Variants in FLNC observed in about 807,000 individuals in gnomAD.
FLNC encodes the protein filamin-C.
Under a neutral mutation model 254.3 loss-of-function variants are expected in FLNC, and 91 were observed. The observed-to-expected ratio is 0.36, with a 90% CI of 0.30 to 0.43. The LOEUF (loss-of-function observed/expected upper bound fraction) is 0.43. Ranked by LOEUF, FLNC falls within the 20% of genes least tolerant of loss-of-function variation. FLNC has a pLI of 1.00. For synonymous variants in FLNC, 1,430 were observed against 1,577.2 expected, an observed-to-expected ratio of 0.91 and a Z score of 2.21; for missense variants, 2,853 against 3,802.6, an observed-to-expected ratio of 0.75 and a Z score of 6.57.
In FLNC at chr7:128,837,121, G is replaced by T. The variant is rs530359417; in HGVS notation, c.602-39G>T. The T allele has an allele frequency of 5.0e-5, 70 of 1,406,960 alleles. 1 individual carries two copies. In the East Asian group the frequency reaches 1.4e-3, roughly 27 times the overall value. 87.2% of individuals were successfully genotyped at this position (1,406,960 alleles called of 1,614,324 possible). A position where few individuals can be genotyped will look rare whatever the true frequency, so the allele number is the denominator to read the frequency against. ...AAATGCCCTGCATCCTGGCCGGCTG[G>T]CTGCCCCTCACCATCGTCTCCCTCC... On this transcript the variant is annotated intron_variant, in intron 2 of 47. Coordinates refer to ENST00000325888, the MANE Select transcript of FLNC (RefSeq NM_001458.5).
At chr7:128,850,984 G>T in intron 33 of FLNC, 41 bp downstream of exon 33, 2 of 1,608,252 alleles carry the variant, frequency 1.2e-6, no homozygotes, top group Non-Finnish European at 1.7e-6. Flanking sequence ...TGGGTGAGAG[G>T]AGCAGGCCGT....
chr7:128,852,961 C>T lies in FLNC; in HGVS notation c.6138C>T (p.Val2046=). The change falls in exon 37 of 48, where the codon GTC becomes GTT. Residue 2046 remains valine, a synonymous_variant. Coordinates refer to ENST00000325888, the MANE Select transcript of FLNC (RefSeq NM_001458.5). ...TCGGGGACGCCAGCAAGGTGCGGGTCTGGGGCAAGGGGCTTTCCGAGGGAC... is the reference window on the plus strand; with the variant it reads ...TCGGGGACGCCAGCAAGGTGCGGGTTTGGGGCAAGGGGCTTTCCGAGGGAC... ...SEIGDASKVR[V]WGKGLSEGHT... 6.2e-7 allele frequency: 1 copy of T among 1,613,568 alleles called. No individual in the cohort carries two copies. The highest frequency in any genetic ancestry group is 8.5e-7 in the Non-Finnish European group (1 of 1,180,018).
chr7:128,856,368 C>A lies in FLNC; in HGVS notation c.7252-150C>A. The A allele has an allele frequency of 1.0e-6, 1 of 961,602 alleles. No homozygotes were observed. The highest frequency in any genetic ancestry group is 1.6e-6 in the Non-Finnish European group (1 of 618,296). 59.6% of individuals were successfully genotyped at this position (961,602 alleles called of 1,614,324 possible). On this transcript the variant is annotated intron_variant, in intron 43 of 47. Coordinates refer to ENST00000325888, the MANE Select transcript of FLNC (RefSeq NM_001458.5). This position sits in a 1 kb window ranked among gnomAD's most constrained non-coding sequence, Gnocchi z 5.9. ...ACCGGACCCTGGCTCCTCCTGCTCC[C>A]AGGCTGGGCTGGCAGGCAGGGGCCA... is the stretch of plus-strand genomic sequence containing the variant.
Position 128,846,900 on chromosome 7 carries a change from T to A in FLNC, c.4283T>A (p.Ile1428Asn). Residue 1428 changes from isoleucine (I) to asparagine (N), a missense_variant, in exon 24 of 48, where the codon ATC (isoleucine) becomes AAC (asparagine). Physicochemically the swap from Ile to Asn is moderately radical, Grantham distance 149. Coordinates refer to ENST00000325888, the MANE Select transcript of FLNC (RefSeq NM_001458.5). ...DVNITFGGRP[I>N]PGSPFRVPVK... ...AACATCACCTTCGGGGGGCGGCCCATCCCAGGTGTGCAGAGAGAGTGGTCG... is the reference window on the plus strand; with the variant it reads ...AACATCACCTTCGGGGGGCGGCCCAACCCAGGTGTGCAGAGAGAGTGGTCG... 1 of 1,614,158 alleles carries A rather than the reference T, an allele frequency of 6.2e-7. No individual in the cohort carries two copies. The highest frequency in any genetic ancestry group is 8.5e-7 in the Non-Finnish European group (1 of 1,180,026).
rs1808067854 is a variant in FLNC, at chr7:128,835,628, G to A, written c.601+54G>A. The A allele has an allele frequency of 2.5e-6, 4 of 1,590,404 alleles. No individual in the cohort carries two copies. The South Asian group carries it at 3.3e-5, about 13-fold the overall frequency. ...GCCCTTAGCTCCCAAAGACAGAGGG[G>A]ACAAGCTGGGGCTGCCAAGGCGTGT... On this transcript the variant is annotated intron_variant, in intron 2 of 47. Coordinates refer to ENST00000325888, the MANE Select transcript of FLNC (RefSeq NM_001458.5). The surrounding 1 kb of genome is among the most constrained non-coding windows in gnomAD (Gnocchi z 5.3).
chr7:128,834,311 G>GCCC (rs34045649), intron 1 of FLNC, among the ~76,000 whole-genome samples: 20 of 125,524 alleles, frequency 1.6e-4, no homozygotes, highest in African/African-American at 4.5e-4. Context: ...GGATCTAGGC[G>GCCC]CCCCCCCCCC....
chr7:128,855,398 G>A (rs549099340), intron 43 of FLNC, 84 bp downstream of exon 43: 43 of 900,284 alleles, frequency 4.8e-5, no homozygotes, highest in South Asian at 4.7e-4. Context: ...TGGGGCCAGG[G>A]ATTTAGCAGT....
Position 128,853,285 on chromosome 7 carries a change from C to T in FLNC, c.6209-184C>T. ...GCTCACTGGAATCCAAGAGGCTTACCTTAGGGAATTTTCCAGACCGCCTGT... is the reference window on the plus strand; with the variant it reads ...GCTCACTGGAATCCAAGAGGCTTACTTTAGGGAATTTTCCAGACCGCCTGT... On this transcript the variant is annotated intron_variant, in intron 37 of 47. Transcript: ENST00000325888. 5 of 769,900 alleles carry T rather than the reference C, an allele frequency of 6.5e-6. No individual in the cohort carries two copies. The South Asian group carries it at 6.7e-5, about 10-fold the overall frequency. 47.7% of individuals were successfully genotyped at this position (769,900 alleles called of 1,614,324 possible). A position where few individuals can be genotyped will look rare whatever the true frequency, so the allele number is the denominator to read the frequency against.
intron 20 of FLNC, 152 bp downstream of exon 20, chr7:128,844,418 C>A: frequency 9.5e-7 from 1 of 1,048,624 alleles, no homozygotes; most frequent in Non-Finnish European, 1.4e-6. Flanking sequence ...CACCACCTGC[C>A]TTGGAGACAA....
intron 37 of FLNC, 98 bp downstream of exon 37, chr7:128,853,129 C>A: frequency 8.4e-7 from 1 of 1,196,226 alleles, no homozygotes; most frequent in Non-Finnish European, 1.2e-6. Context: ...CTCTCTCCTC[C>A]CTGAAACTTC....
chr7:128,838,835 C>G (rs1363820775), intron 8 of FLNC, 32 bp downstream of exon 8: 1 of 1,597,028 alleles, frequency 6.3e-7, no homozygotes, highest in Non-Finnish European at 8.6e-7. Flanking sequence ...CCACGGTAGC[C>G]CTTACCAAAG....
Position 128,856,091 on chromosome 7 carries a change from T to G in FLNC, c.7252-427T>G, listed in dbSNP as rs1405550332. 1.3e-5 allele frequency among the ~76,000 whole-genome samples: 2 copies of G among 152,186 alleles called. No homozygotes were observed. The highest frequency in any genetic ancestry group is 2.9e-5 in the Non-Finnish European group (2 of 68,020). Reference sequence around the variant, plus strand: ...CCCTCCCCCAGAGCCCTTCTGTGCTTCTTCTGGTCCTCCCTGTTGGTCCAC... The same window carrying G: ...CCCTCCCCCAGAGCCCTTCTGTGCTGCTTCTGGTCCTCCCTGTTGGTCCAC... On this transcript the variant is annotated intron_variant, in intron 43 of 47. Coordinates refer to ENST00000325888, the MANE Select transcript of FLNC (RefSeq NM_001458.5). The surrounding 1 kb of genome is among the most constrained non-coding windows in gnomAD (Gnocchi z 5.9).
rs1189802657 is a variant in FLNC at position 128,845,942 on chromosome 7, G to A, written c.3791-48G>A. 3 of 1,579,538 alleles carry A rather than the reference G, an allele frequency of 1.9e-6. No homozygotes were observed. The South Asian group carries it at 3.3e-5, about 17-fold the overall frequency. The stretch of plus-strand genomic sequence containing the variant: ...GGGGGAGAGGAGAGGGAGCATCTGT[G>A]TGAAGGCTGCCCCCACCCCTGCTGA... On this transcript the variant is annotated intron_variant, in intron 21 of 47. Transcript: ENST00000325888.
At position 128,858,590 on chromosome 7, in the gene FLNC, C is replaced by G; in HGVS notation, c.*67C>G. 9.2e-7 allele frequency: 1 copy of G among 1,091,740 alleles called. No homozygotes were observed. Among genetic ancestry groups the G allele is most frequent in the Non-Finnish European group, 1.4e-6 (1 of 713,668 alleles). 67.6% of individuals were successfully genotyped at this position (1,091,740 alleles called of 1,614,324 possible). A position where few individuals can be genotyped will look rare whatever the true frequency, so the allele number is the denominator to read the frequency against. ...CACACACACATTACACACACACACA[C>G]ACACACACAAATGTGCCACACCCAG... On this transcript the variant is annotated 3_prime_UTR_variant, in exon 48 of 48. Transcript: ENST00000325888. The surrounding 1 kb of genome is among the most constrained non-coding windows in gnomAD (Gnocchi z 6.7).
chr7:128,840,085 A>G lies in FLNC; in HGVS notation c.1474A>G (p.Lys492Glu), dbSNP rs118056738. ...RGLQPKGVRV[K>E]EVADFKVFTK... Reference sequence around the variant, plus strand: ...CCTGCAGCCCAAGGGTGTTCGCGTGAAAGAGGTGGCTGACTTCAAGGTGTT... The same window carrying G: ...CCTGCAGCCCAAGGGTGTTCGCGTGGAAGAGGTGGCTGACTTCAAGGTGTT... Residue 492 changes from lysine (K) to glutamate (E), a missense_variant, in exon 9 of 48, where the codon AAA (lysine) becomes GAA (glutamate). By Grantham distance (56) the Lys-to-Glu change is moderately conservative. Coordinates refer to ENST00000325888, the MANE Select transcript of FLNC (RefSeq NM_001458.5). 4.2e-4 allele frequency: 673 copies of G among 1,614,154 alleles called. 1 individual carries two copies. The highest frequency in any genetic ancestry group is 5.2e-4 in the Non-Finnish European group (619 of 1,180,030).
rs751019991 is a variant in FLNC at position 128,854,464 on chromosome 7, A to G, written c.6779A>G (p.Lys2260Arg). Residue 2260 changes from lysine (K) to arginine (R), a missense_variant, in exon 41 of 48, where the codon AAG (lysine) becomes AGG (arginine). Around this residue, in one of 10 missense-constraint regions of FLNC, gnomAD observed 551 missense variants for 835.0 expected, o/e 0.66. Coordinates refer to ENST00000325888, the MANE Select transcript of FLNC (RefSeq NM_001458.5). Reference protein sequence around the residue: ...MTAQVTSPSGKVEAAEIVEGE... With the variant: ...MTAQVTSPSGRVEAAEIVEGE... ...GCACAGGTGACCAGCCCATCGGGCA[A>G]GGTGGAAGCCGCAGAGATCGTCGAG... 238 of 1,609,130 alleles carry G rather than the reference A, an allele frequency of 1.5e-4. No homozygotes were observed. Among genetic ancestry groups the G allele is most frequent in the Non-Finnish European group, 1.9e-4 (228 of 1,178,406 alleles).
At position 128,852,872 on chromosome 7, in the gene FLNC, G is replaced by A. The variant is rs1019545678; in HGVS notation, c.6049G>A (p.Val2017Met). 1.6e-5 allele frequency: 26 copies of A among 1,613,702 alleles called. No homozygotes were observed. Among genetic ancestry groups the A allele is most frequent in the Non-Finnish European group, 2.1e-5 (25 of 1,180,040 alleles). Residue 2017 changes from valine (V) to methionine (M), a missense_variant, in exon 37 of 48, where the codon GTG (valine) becomes ATG (methionine). Physicochemically the swap from Val to Met is conservative, Grantham distance 21. This residue lies in a region of FLNC where 551 missense variants were observed against 835.0 expected (regional missense o/e 0.66). Coordinates refer to ENST00000325888, the MANE Select transcript of FLNC (RefSeq NM_001458.5). ...PKEVGEHVVS[V>M]RKSGKHVTNS... ...GGAGGTCGGGGAGCACGTGGTGAGC[G>A]TGCGCAAGAGTGGCAAGCATGTCAC...
rs763189519 is a variant in FLNC, at chr7:128,856,670, G to A, written c.7384+20G>A. On this transcript the variant is annotated intron_variant, in intron 44 of 47. Coordinates refer to ENST00000325888, the MANE Select transcript of FLNC (RefSeq NM_001458.5). This position sits in a 1 kb window ranked among gnomAD's most constrained non-coding sequence, Gnocchi z 5.9. ...ACAGTGGTGAGCTGGCCCTGCCCCT[G>A]CCAACTCCCTTCCGGGCTGGGGCCT... 1.2e-6 allele frequency: 2 copies of A among 1,613,518 alleles called. No homozygotes were observed. Among genetic ancestry groups the A allele is most frequent in the Non-Finnish European group, 1.7e-6 (2 of 1,180,016 alleles).
chr7:128,841,389 GC>G lies in FLNC; in HGVS notation c.2007+30del. 1 of 1,613,692 alleles carries G rather than the reference GC, an allele frequency of 6.2e-7. No homozygotes were observed. Among genetic ancestry groups the G allele is most frequent in the Non-Finnish European group, 8.5e-7 (1 of 1,179,716 alleles). On this transcript the variant is annotated intron_variant, in intron 12 of 47. Transcript: ENST00000325888. This position sits in a 1 kb window ranked among gnomAD's most constrained non-coding sequence, Gnocchi z 4.3. Reference sequence around the variant, plus strand: ...GTGTGGTCCCAGCTCACACACACCTGCCCCGGGGGTGGGGCAAGCTGGTTCT... The same window carrying G: ...GTGTGGTCCCAGCTCACACACACCTGCCCGGGGGTGGGGCAAGCTGGTTCT...
Sources: gnomAD v4.1 joint callset for allele counts (sites outside exome capture counted in the v4.1 genomes callset) on GRCh38, gnomAD v4.1.1 for gene constraint, gnomAD v4.1.1 regional missense constraint, Gnocchi (gnomAD v3.1) non-coding constraint, MANE v1.5 for transcripts, NCBI Gene and HGNC (gene_info 2026-07-23, HGNC 2026-07-21) for gene names.